EEF1E1: variants seen among roughly 807,000 people sequenced by gnomAD.
EEF1E1 encodes eukaryotic translation elongation factor 1 epsilon-1.
In EEF1E1, 19 loss-of-function variants were observed where a neutral mutation model predicts 19.9. The observed-to-expected ratio is 0.95, with a 90% CI of 0.66 to 1.40. The LOEUF is 1.40. Among genes scored for constraint, EEF1E1 ranks in the 40% most tolerant of loss-of-function variants. The pLI is 0.00. For missense variants in EEF1E1, 198 were observed against 202.2 expected, an observed-to-expected ratio of 0.98 and a Z score of 0.13; for synonymous variants, 81 against 80.0, an observed-to-expected ratio of 1.01 and a Z score of -0.07.
intron 1 of EEF1E1, chr6:8,101,690 C>T: frequency 3.3e-6 from 4 of 1,227,346 alleles, no homozygotes; most frequent in Non-Finnish European, 4.2e-6. Context: ...ATTTCCTTCT[C>T]TAATACATTC....
chr6:8,092,277 A>G (rs1477953930), intron 2 of EEF1E1, among the ~76,000 whole-genome samples: 1 of 152,232 alleles, frequency 6.6e-6, no homozygotes, highest in Non-Finnish European at 1.5e-5. Context: ...TTCAGCAATC[A>G]GTAAAAAATG....
intron 2 of EEF1E1, chr6:8,095,566 T>G (rs1440525591): frequency 1.4e-5 from 1 of 70,662 alleles, no homozygotes; most frequent in Non-Finnish European, 2.5e-5. Flanking sequence ...TAGGTGCCTG[T>G]TTTTTTTTTT....
rs1304681952 is a variant in EEF1E1, at chr6:8,094,368, G to A, written c.288+2899C>T. On this transcript the variant is annotated intron_variant, in intron 2 of 3. Transcript: ENST00000379715. ...TCCCAACACTTCAGGAGGCCGAGGC[G>A]GGTGGACCACTTGAGGTTAGGAATT... Among the ~76,000 whole-genome samples, 12 of 151,838 alleles carry A rather than the reference G, an allele frequency of 7.9e-5. No homozygotes were observed. The South Asian group carries it at 8.3e-4, about 11-fold the overall frequency.
chr6:8,075,082 T>TG (rs1309110496), downstream of EEF1E1, among the ~76,000 whole-genome samples: 1 of 152,096 alleles, frequency 6.6e-6, no homozygotes, highest in Non-Finnish European at 1.5e-5. Flanking sequence ...TCCTGCTGAA[T>TG]GGGGGGAGAA....
intron 3 of EEF1E1, among the ~76,000 whole-genome samples, chr6:8,087,750 A>T (rs962676657): frequency 2.0e-5 from 3 of 152,228 alleles, no homozygotes; most frequent in Non-Finnish European, 4.4e-5. Context: ...CTTTAGATGA[A>T]CAAAAGATTC....
At chr6:8,073,556 G>A in intron 3 of EEF1E1, 1 of 1,550,088 alleles carries the variant, frequency 6.5e-7, no homozygotes, top group Middle Eastern at 1.7e-4. Context: ...AAAGCACTTA[G>A]AATAGTGCCT....
At chr6:8,075,797 C>G (rs575859621), downstream of EEF1E1, among the ~76,000 whole-genome samples, 184 of 152,326 alleles carry the variant, frequency 1.2e-3, no homozygotes, top group Non-Finnish European at 2.0e-3. Context: ...GATGGCATTT[C>G]AACCAAAGTA....
At chr6:8,094,748 C>T (rs190001386) in intron 2 of EEF1E1, among the ~76,000 whole-genome samples, 6 of 152,212 alleles carry the variant, frequency 3.9e-5, no homozygotes, top group Admixed American at 2.0e-4. Context: ...TTTCTTCTAC[C>T]TCTGTCACCC....
intron 3 of EEF1E1, 67 bp from the exon 4 acceptor site, chr6:8,080,097 T>G: frequency 6.5e-7 from 1 of 1,543,492 alleles, no homozygotes; most frequent in East Asian, 2.3e-5. Flanking sequence ...TTAATATCAC[T>G]TAAGTAGGAG....
chr6:8,079,761 CTTCAAAAA>C lies in EEF1E1; in HGVS notation c.*121_*128del. The stretch of plus-strand genomic sequence containing the variant: ...TAAAACATTCAGACACAAGTTTACA[CTTCAAAAA>C]TTCTATCAACTTCAACAAATAATGA... On this transcript the variant is annotated 3_prime_UTR_variant, in exon 4 of 4. Coordinates refer to ENST00000379715, the MANE Select transcript of EEF1E1 (RefSeq NM_004280.5). 3 of 1,338,104 alleles carry C rather than the reference CTTCAAAAA, an allele frequency of 2.2e-6. No homozygotes were observed. Among genetic ancestry groups the C allele is most frequent in the Non-Finnish European group, 2.9e-6 (3 of 1,040,564 alleles). 82.9% of individuals were successfully genotyped at this position (1,338,104 alleles called of 1,614,324 possible).
rs534034103 is a variant in EEF1E1 at position 8,090,926 on chromosome 6, G to A, written c.289-645C>T. 3.0e-4 allele frequency among the ~76,000 whole-genome samples: 45 copies of A among 152,150 alleles called. No individual in the cohort carries two copies. In the South Asian group the frequency reaches 5.4e-3, roughly 18 times the overall value. On this transcript the variant is annotated intron_variant, in intron 2 of 3. Transcript: ENST00000379715. ...CTGTATGTACAGATCATATTTTATC[G>A]ATTCCTGTGTCTATAGACATAGTTG...
intron 3 of EEF1E1, among the ~76,000 whole-genome samples, chr6:8,086,267 C>T (rs12199241): frequency 0.19 from 29,559 of 152,006 alleles, 3,306 homozygotes; most frequent in Non-Finnish European, 0.26. Context: ...GTCATGAAGC[C>T]CAGGAGTTCT....
chr6:8,089,505 G>A (rs533782804), intron 3 of EEF1E1, among the ~76,000 whole-genome samples: 3 of 152,308 alleles, frequency 2.0e-5, no homozygotes, highest in African/African-American at 7.2e-5. Context: ...CAGCACGGGA[G>A]AAAGACGTAG....
At chr6:8,098,730 T>C (rs1758244024) in intron 1 of EEF1E1, among the ~76,000 whole-genome samples, 1 of 152,212 alleles carries the variant, frequency 6.6e-6, no homozygotes. Context: ...TTCTACTCCT[T>C]GACTGGGTGG....
At position 8,090,188 on chromosome 6, in the gene EEF1E1, T is replaced by A; in HGVS notation, c.382A>T (p.Ile128Leu). 1 of 1,527,896 alleles carries A rather than the reference T, an allele frequency of 6.5e-7. No individual in the cohort carries two copies. The highest frequency in any genetic ancestry group is 1.4e-5 in the African/African-American group (1 of 70,174). 94.6% of individuals were successfully genotyped at this position (1,527,896 alleles called of 1,614,324 possible). A position where few individuals can be genotyped will look rare whatever the true frequency, so the allele number is the denominator to read the frequency against. Residue 128 changes from isoleucine to leucine, a missense_variant and splice_region_variant, in exon 3 of 4, where the codon ATA becomes TTA. Physicochemically the swap from Ile to Leu is conservative, Grantham distance 5. Coordinates refer to ENST00000379715, the MANE Select transcript of EEF1E1 (RefSeq NM_004280.5). ...ILLYYGLHRF[I>L]VDLTVQEKEK... Reference sequence around the variant, plus strand: ...CCAGTAACTATACAAATACTCACTATAAAGCGATGAAGTCCATAGTACAAT... The same window carrying A: ...CCAGTAACTATACAAATACTCACTAAAAAGCGATGAAGTCCATAGTACAAT...
At chr6:8,076,777 T>C (rs1301390002), downstream of EEF1E1, among the ~76,000 whole-genome samples, 1 of 152,188 alleles carries the variant, frequency 6.6e-6, no homozygotes, top group Non-Finnish European at 1.5e-5. Flanking sequence ...AGGTGTATTG[T>C]CATTGAGCAG....
intron 3 of EEF1E1, among the ~76,000 whole-genome samples, chr6:8,081,974 C>T (rs1309129114): frequency 1.3e-5 from 2 of 152,098 alleles, no homozygotes; most frequent in Non-Finnish European, 2.9e-5. Flanking sequence ...AGTACTAATG[C>T]TTGTTTATGT....
In EEF1E1 at chr6:8,079,726, A is replaced by T. The variant is rs1757679486; in HGVS notation, c.*164T>A. The T allele has an allele frequency of 2.3e-6, 3 of 1,278,648 alleles. No homozygotes were observed. The Admixed American group carries it at 1.1e-4, about 46-fold the overall frequency. The allele number at this position is 1,278,648 out of a possible 1,614,324, so 79.2% of individuals were successfully genotyped here. ...ACATAAAAATTGCAAAACTTCAGCTAAAGAACAAATAAAACATTCAGACAC... is the reference window on the plus strand; with the variant it reads ...ACATAAAAATTGCAAAACTTCAGCTTAAGAACAAATAAAACATTCAGACAC... On this transcript the variant is annotated 3_prime_UTR_variant, in exon 4 of 4. Coordinates refer to ENST00000379715, the MANE Select transcript of EEF1E1 (RefSeq NM_004280.5).
At chr6:8,093,428 A>T (rs1430057555) in intron 2 of EEF1E1, among the ~76,000 whole-genome samples, 1 of 151,130 alleles carries the variant, frequency 6.6e-6, no homozygotes, top group African/African-American at 2.4e-5. Flanking sequence ...CCATCTATTA[A>T]ATTTTCTAAT....
Sources: gnomAD v4.1 joint callset for allele counts (sites outside exome capture counted in the v4.1 genomes callset) on GRCh38, gnomAD v4.1.1 for gene constraint, MANE v1.5 for transcripts, NCBI Gene and HGNC (gene_info 2026-07-23, HGNC 2026-07-21) for gene names.